HAGH: variants seen among roughly 807,000 people sequenced by gnomAD.
HAGH encodes hydroxyacylglutathione hydrolase, also known as hydroxyacylglutathione hydrolase, mitochondrial.
In HAGH, 29 loss-of-function variants were observed where a neutral mutation model predicts 35.1. The observed-to-expected ratio is 0.83, with a 90% CI of 0.62 to 1.13. The LOEUF (loss-of-function observed/expected upper bound fraction) is 1.13. HAGH is among the 50% of genes most tolerant of loss of function. HAGH has a pLI of 0.00. For missense variants in HAGH, 478 were observed against 419.6 expected (o/e 1.14, Z -1.22); for synonymous variants, 225 against 176.1 (o/e 1.28, Z -2.20).
intron 8 of HAGH, 74 bp downstream of exon 8, chr16:1,809,680 G>C (rs964979556): frequency 9.2e-7 from 1 of 1,086,928 alleles, no homozygotes; most frequent in African/African-American, 1.5e-5. Context: ...GGTCTCGGAC[G>C]TACCGGCTGT....
At chr16:1,810,000 C>A (rs1229153116) in intron 7 of HAGH, 167 bp from the exon 8 acceptor site, 8 of 605,490 alleles carry the variant, frequency 1.3e-5, no homozygotes, top group Non-Finnish European at 2.1e-5. Flanking sequence ...CCTGTGTCTA[C>A]TAAAAATACA....
Position 1,817,011 on chromosome 16 carries a change from C to T in HAGH, c.646-17G>A, listed in dbSNP as rs768715322. 3 of 1,564,964 alleles carry T rather than the reference C, an allele frequency of 1.9e-6. No individual in the cohort carries two copies. The highest frequency in any genetic ancestry group is 2.6e-6 in the Non-Finnish European group (3 of 1,135,208). ...GTAGACTCTCTGAGGAGAGAGGTGA[C>T]AGGTGAGCTCGGAAGGCTGTTACCA... On this transcript the variant is annotated splice_polypyrimidine_tract_variant and intron_variant, in intron 6 of 8. Coordinates refer to ENST00000397356, the MANE Select transcript of HAGH (RefSeq NM_005326.6).
At chr16:1,816,337 C>T (rs531147351) in intron 7 of HAGH, among the ~76,000 whole-genome samples, 376 of 151,970 alleles carry the variant, frequency 2.5e-3, no homozygotes, top group Admixed American at 4.5e-3. Context: ...CTCAAAAAAC[C>T]GGGTGATTTA....
chr16:1,824,177 G>A (rs191500777), intron 1 of HAGH, among the ~76,000 whole-genome samples: 49 of 150,392 alleles, frequency 3.3e-4, no homozygotes, highest in African/African-American at 1.1e-3. Context: ...AGCCAAGATC[G>A]CCCTACTGCA....
rs202245131 is a variant in HAGH at position 1,816,881 on chromosome 16, G to A, written c.747+12C>T. ...CCACAGGAAGGCACTGCGCAGTGAC[G>A]GCCCCACTCACCTTGGCCCAGGCCA... On this transcript the variant is annotated intron_variant, in intron 7 of 8. Transcript: ENST00000397356. 7.8e-5 allele frequency: 122 copies of A among 1,571,740 alleles called. No homozygotes were observed. The East Asian group carries it at 1.8e-3, about 23-fold the overall frequency.
In HAGH at chr16:1,826,807, T is replaced by C; in HGVS notation, c.-20A>G. 1 of 1,216,812 alleles carries C rather than the reference T, an allele frequency of 8.2e-7. No homozygotes were observed. The highest frequency in any genetic ancestry group is 1.0e-6 in the Non-Finnish European group (1 of 974,156). The allele number at this position is 1,216,812 out of a possible 1,614,324, so 75.4% of individuals were successfully genotyped here. A position where few individuals can be genotyped will look rare whatever the true frequency, so the allele number is the denominator to read the frequency against. Reference sequence around the variant, plus strand: ...CACCATGACCCGGGCCGGGCTGGACTGCCGAGCTGCCCAGGACTGCAAAAC... The same window carrying C: ...CACCATGACCCGGGCCGGGCTGGACCGCCGAGCTGCCCAGGACTGCAAAAC... On this transcript the variant is annotated 5_prime_UTR_variant, in exon 1 of 9. Transcript: ENST00000397356.
chr16:1,815,242 T>A (rs1897840056), intron 7 of HAGH, among the ~76,000 whole-genome samples: 2 of 152,148 alleles, frequency 1.3e-5, no homozygotes, highest in Admixed American at 6.5e-5. Flanking sequence ...AACTCAAGCA[T>A]TGGTGGGGGA....
chr16:1,818,226 G>A (rs969691918), intron 5 of HAGH, among the ~76,000 whole-genome samples: 3 of 152,208 alleles, frequency 2.0e-5, no homozygotes, highest in Middle Eastern at 3.4e-3. Context: ...CTCCGTGCTC[G>A]CTGCCCTGAG....
At chr16:1,814,085 A>G (rs1897779652) in intron 7 of HAGH, among the ~76,000 whole-genome samples, 1 of 152,224 alleles carries the variant, frequency 6.6e-6, no homozygotes, top group South Asian at 2.1e-4. Flanking sequence ...TATAAAAGCT[A>G]AGACTTTAAA....
chr16:1,824,860 C>T lies in HAGH; in HGVS notation c.77-1823G>A, dbSNP rs145586938. 9.0e-4 allele frequency among the ~76,000 whole-genome samples: 137 copies of T among 152,308 alleles called. 1 individual carries two copies. The highest frequency in any genetic ancestry group is 3.4e-3 in the Middle Eastern group (1 of 294). On this transcript the variant is annotated intron_variant, in intron 1 of 8. Transcript: ENST00000397356. ...TATATGAGCAGCTTCCTGTGTTATT[C>T]CCCTTCCCCTTAGCCTCAGCACCAC...
At chr16:1,816,489 C>T (rs1332188397) in intron 7 of HAGH, among the ~76,000 whole-genome samples, 2 of 152,196 alleles carry the variant, frequency 1.3e-5, no homozygotes, top group Non-Finnish European at 2.9e-5. Flanking sequence ...CCCCGTCCTG[C>T]TCCTGGCAGA....
chr16:1,826,219 G>T (rs1332406423), intron 1 of HAGH, among the ~76,000 whole-genome samples: 5 of 151,794 alleles, frequency 3.3e-5, no homozygotes, highest in African/African-American at 1.2e-4. Flanking sequence ...CCGGCCGCGC[G>T]ACCACCTCGG....
At chr16:1,809,502 G>A in intron 8 of HAGH, 120 bp from the exon 9 acceptor site, 1 of 784,824 alleles carries the variant, frequency 1.3e-6, no homozygotes, top group Non-Finnish European at 2.1e-6. Context: ...GACACGGAGG[G>A]CGGGGAGGCG....
intron 3 of HAGH, among the ~76,000 whole-genome samples, chr16:1,821,357 G>C (rs1388452189): frequency 6.6e-6 from 1 of 152,152 alleles, no homozygotes; most frequent in African/African-American, 2.4e-5. Flanking sequence ...AGGACCAAAG[G>C]CTTCATTTCA....
intron 1 of HAGH, among the ~76,000 whole-genome samples, chr16:1,825,554 A>G (rs1898363037): frequency 6.6e-6 from 1 of 152,152 alleles, no homozygotes; most frequent in Non-Finnish European, 1.5e-5. Context: ...CCAAGTCCAG[A>G]AACATGTTCG....
intron 3 of HAGH, 175 bp downstream of exon 3, chr16:1,822,125 C>T (rs1898178698): frequency 1.7e-6 from 1 of 604,758 alleles, no homozygotes; most frequent in African/African-American, 1.8e-5. Flanking sequence ...CACTGAGCAC[C>T]AGACTTGCCC....
chr16:1,827,106 C>G, upstream of HAGH: 1 of 1,342,748 alleles, frequency 7.4e-7, no homozygotes, highest in South Asian at 1.4e-5. Context: ...CCCGGGTACC[C>G]GGCAGATCGC....
Position 1,822,057 on chromosome 16 carries a change from G to C in HAGH, c.314+243C>G. 3 of 523,378 alleles carry C rather than the reference G, an allele frequency of 5.7e-6. No homozygotes were observed. The South Asian group carries it at 7.9e-5, about 14-fold the overall frequency. The allele number at this position is 523,378 out of a possible 1,614,324, so 32.4% of individuals were successfully genotyped here. A position where few individuals can be genotyped will look rare whatever the true frequency, so the allele number is the denominator to read the frequency against. On this transcript the variant is annotated intron_variant, in intron 3 of 8. Transcript: ENST00000397356. ...CCGCATGGCCCAGGAGAGAGCCGGG[G>C]GGTGGGGCCTGAGGGTAAGGCTGTA...
intron 7 of HAGH, 35 bp from the exon 8 acceptor site, chr16:1,809,868 T>C (rs780803427): frequency 6.5e-7 from 1 of 1,528,644 alleles, no homozygotes; most frequent in South Asian, 1.1e-5. Flanking sequence ...TCACGGGAAC[T>C]TCACAGGATG....
Sources: allele counts gnomAD v4.1 joint callset (sites outside exome capture counted in the v4.1 genomes callset), GRCh38; gene constraint gnomAD v4.1.1; transcripts MANE v1.5; gene names NCBI Gene and HGNC (gene_info 2026-07-23, HGNC 2026-07-21).